TENM2: variants seen among roughly 807,000 people sequenced by gnomAD.
TENM2 encodes the protein teneurin transmembrane protein 2, also known as teneurin-2.
In TENM2, 52 loss-of-function variants were observed where a neutral mutation model predicts 245.2. The ratio of observed to expected loss-of-function variants is 0.21; its 90% confidence interval spans 0.17 to 0.27. The LOEUF is 0.27. Ranked by LOEUF, TENM2 falls within the 10% of genes least tolerant of loss-of-function variation. The pLI, the probability that TENM2 is intolerant of heterozygous loss-of-function variation, is 1.00. For missense variants in TENM2, 3,046 were observed against 3,666.8 expected (o/e 0.83, Z 4.37); for synonymous variants, 1,363 against 1,438.9 (o/e 0.95, Z 1.19).
chr5:167,245,205 G>A, the TENM2 span, among the ~76,000 whole-genome samples: 1 of 152,150 alleles, frequency 6.6e-6, no homozygotes, highest in Admixed American at 6.5e-5. Flanking sequence ...TGTCAAGAGA[G>A]TAGGTAACTT....
At chr5:167,449,280 C>T (rs894173072) in intron 2 of TENM2, among the ~76,000 whole-genome samples, 1 of 152,150 alleles carries the variant, frequency 6.6e-6, no homozygotes, top group Non-Finnish European at 1.5e-5. Flanking sequence ...CAGATCTTAC[C>T]TGACAGCCTG....
At chr5:167,337,762 G>A (rs1757867412) in intron 1 of TENM2, among the ~76,000 whole-genome samples, 1 of 152,184 alleles carries the variant, frequency 6.6e-6, no homozygotes, top group South Asian at 2.1e-4. Context: ...TGATGTCAAG[G>A]AGTGGTATGA....
chr5:167,578,022 C>A (rs557810276), intron 2 of TENM2, among the ~76,000 whole-genome samples: 3 of 152,144 alleles, frequency 2.0e-5, no homozygotes, highest in Non-Finnish European at 4.4e-5. Context: ...GCACAGGGGG[C>A]ACATGCCAAA....
intron 2 of TENM2, among the ~76,000 whole-genome samples, chr5:167,751,931 C>T (rs375837641): frequency 6.6e-5 from 10 of 150,720 alleles, no homozygotes; most frequent in South Asian, 4.2e-4. Flanking sequence ...TTCTTGAGGA[C>T]GCGTAGTTTC....
chr5:168,194,091 C>T (rs1462540504), intron 14 of TENM2, among the ~76,000 whole-genome samples: 3 of 152,270 alleles, frequency 2.0e-5, no homozygotes, highest in African/African-American at 4.8e-5. Flanking sequence ...ATCCAAAAAT[C>T]GAGCCGACTT....
intron 2 of TENM2, among the ~76,000 whole-genome samples, chr5:167,737,540 A>G (rs943256206): frequency 6.6e-6 from 1 of 152,150 alleles, no homozygotes; most frequent in Non-Finnish European, 1.5e-5. Context: ...CAACTTAACA[A>G]GTATTTAATG....
intron 9 of TENM2, 127 bp from the exon 12 acceptor site, chr5:168,118,165 C>A: frequency 1.6e-6 from 1 of 640,854 alleles, no homozygotes. Flanking sequence ...ACCTGCACAG[C>A]CAGAGTCCCC....
intron 1 of TENM2, among the ~76,000 whole-genome samples, chr5:167,292,132 C>T (rs1754677830): frequency 6.6e-6 from 1 of 152,136 alleles, no homozygotes; most frequent in African/African-American, 2.4e-5. Flanking sequence ...ATTCAATTAC[C>T]TCCCACCAGG....
chr5:167,369,349 T>C (rs1441959600), intron 1 of TENM2, among the ~76,000 whole-genome samples: 1 of 152,202 alleles, frequency 6.6e-6, no homozygotes, highest in Admixed American at 6.5e-5. Flanking sequence ...TCAAATCAGA[T>C]TTTGAAGTTC....
chr5:168,245,004 G>A (rs1303900508), intron 26 of TENM2, among the ~76,000 whole-genome samples: 1 of 152,008 alleles, frequency 6.6e-6, no homozygotes, highest in Non-Finnish European at 1.5e-5. Flanking sequence ...CTGACCTCAG[G>A]TGATCGCCCA....
At chr5:167,599,187 T>G (rs562250401) in intron 2 of TENM2, among the ~76,000 whole-genome samples, 31 of 152,342 alleles carry the variant, frequency 2.0e-4, no homozygotes, top group Admixed American at 1.4e-3. Flanking sequence ...ATCAGCAGTT[T>G]AAGGTAGGGC....
intron 2 of TENM2, among the ~76,000 whole-genome samples, chr5:167,556,463 C>T (rs1773267042): frequency 6.7e-6 from 1 of 150,148 alleles, no homozygotes; most frequent in Admixed American, 6.7e-5. Flanking sequence ...CAAAATTCAG[C>T]GTGTACGTTT....
intron 14 of TENM2, among the ~76,000 whole-genome samples, chr5:168,194,401 A>T (rs888656228): frequency 1.2e-4 from 19 of 152,148 alleles, no homozygotes; most frequent in African/African-American, 4.6e-4. Context: ...TTTGTGGGAA[A>T]GTTCTAGTTA....
chr5:167,896,923 AG>A (rs1775270035), intron 3 of TENM2, among the ~76,000 whole-genome samples: 1 of 152,236 alleles, frequency 6.6e-6, no homozygotes, highest in Non-Finnish European at 1.5e-5. Context: ...GAAAATAGCT[AG>A]CATGTGCGTT....
the TENM2 span, among the ~76,000 whole-genome samples, chr5:167,237,146 T>C: frequency 6.6e-6 from 1 of 152,172 alleles, no homozygotes; most frequent in Non-Finnish European, 1.5e-5. Context: ...TAGCAGTATG[T>C]AATTTTGATC....
chr5:167,581,160 C>T (rs1775068143), intron 2 of TENM2, among the ~76,000 whole-genome samples: 1 of 152,192 alleles, frequency 6.6e-6, no homozygotes, highest in Admixed American at 6.5e-5. Context: ...GACAAACATA[C>T]TTATTAATAA....
intron 2 of TENM2, among the ~76,000 whole-genome samples, chr5:167,411,157 A>G (rs908272964): frequency 6.6e-6 from 1 of 152,098 alleles, no homozygotes; most frequent in Non-Finnish European, 1.5e-5. Flanking sequence ...TGCTGGGTAC[A>G]TTATATAAAC....
intron 2 of TENM2, among the ~76,000 whole-genome samples, chr5:167,719,731 C>T (rs996708154): frequency 1.3e-5 from 2 of 152,186 alleles, no homozygotes; most frequent in African/African-American, 2.4e-5. Flanking sequence ...ATTTTGCCAC[C>T]TCAAGGAATG....
chr5:167,629,978 C>G lies in TENM2; in HGVS notation c.503-246008C>G, dbSNP rs536336370. On this transcript the variant is annotated intron_variant, in intron 2 of 28. Coordinates refer to ENST00000518659, the Ensembl canonical transcript of TENM2. ...TGTGGGAAATCCAAGTAGAGCAGTC[C>G]TCCCTTACCCTCAGGAAATACGTTT... Among the ~76,000 whole-genome samples the G allele has an allele frequency of 2.6e-5, 4 of 152,164 alleles. No homozygotes were observed. The East Asian group carries it at 5.8e-4, about 22-fold the overall frequency.
Sources: gnomAD v4.1 joint callset for allele counts (sites outside exome capture counted in the v4.1 genomes callset) on GRCh38, gnomAD v4.1.1 for gene constraint, MANE v1.5 for transcripts, NCBI Gene and HGNC (gene_info 2026-07-23, HGNC 2026-07-21) for gene names.